Variants in EBF1 observed in about 807,000 individuals in gnomAD.
The protein encoded by EBF1 is transcription factor COE1.
EBF1 carries 10 observed loss-of-function variants against 68.4 expected under a neutral mutation model. The observed-to-expected ratio is 0.15, with a 90% CI of 0.09 to 0.25. EBF1 has a LOEUF of 0.25. Ranked by LOEUF, EBF1 falls within the 10% of genes least tolerant of loss-of-function variation. The pLI is 1.00. For synonymous variants in EBF1, 298 were observed against 299.8 expected, an observed-to-expected ratio of 0.99 and a Z score of 0.06; for missense variants, 509 against 794.4, an observed-to-expected ratio of 0.64 and a Z score of 4.32.
chr5:158,982,302 G>A (rs1758058619), intron 6 of EBF1, among the ~76,000 whole-genome samples: 1 of 152,102 alleles, frequency 6.6e-6, no homozygotes, highest in African/African-American at 2.4e-5. Context: ...AGTATTATTT[G>A]CACAGTAAGG....
chr5:159,001,845 G>A (rs1762602801), intron 6 of EBF1, among the ~76,000 whole-genome samples: 1 of 152,168 alleles, frequency 6.6e-6, no homozygotes, highest in Admixed American at 6.6e-5. Flanking sequence ...CTGTTCCTCA[G>A]GAGAGTGGGA....
chr5:159,074,526 G>A (rs573739463), intron 5 of EBF1, among the ~76,000 whole-genome samples: 14 of 152,226 alleles, frequency 9.2e-5, no homozygotes, highest in South Asian at 4.1e-4. Flanking sequence ...ACACATACGC[G>A]CACACTTACA....
At chr5:158,878,644 C>CA (rs1554176172) in intron 6 of EBF1, among the ~76,000 whole-genome samples, 3 of 140,580 alleles carry the variant, frequency 2.1e-5, no homozygotes, top group African/African-American at 7.9e-5. Flanking sequence ...TCTAGCCAGC[C>CA]TTTTTTTTTT....
intron 6 of EBF1, among the ~76,000 whole-genome samples, chr5:159,030,947 C>T (rs952139723): frequency 5.9e-5 from 9 of 151,986 alleles, no homozygotes; most frequent in Non-Finnish European, 1.0e-4. Flanking sequence ...TCGAGGCAGG[C>T]GGATTACCTG....
intron 6 of EBF1, chr5:158,941,123 A>C: frequency 2.2e-6 from 1 of 450,692 alleles, no homozygotes; most frequent in South Asian, 1.6e-5. Flanking sequence ...TGGACAGAAA[A>C]AAGATGAACA....
At chr5:159,076,734 G>A (rs907093139) in intron 5 of EBF1, among the ~76,000 whole-genome samples, 14 of 152,052 alleles carry the variant, frequency 9.2e-5, no homozygotes, top group African/African-American at 1.7e-4. Context: ...GAGCTACTCC[G>A]GCTTCTGTTC....
chr5:158,972,358 G>A (rs554856533), intron 6 of EBF1, among the ~76,000 whole-genome samples: 5 of 152,170 alleles, frequency 3.3e-5, no homozygotes, highest in Admixed American at 6.5e-5. Context: ...AGATGGTTTC[G>A]TGGAAACTGA....
chr5:158,785,416 T>C (rs1037922218), intron 9 of EBF1, among the ~76,000 whole-genome samples: 1 of 152,202 alleles, frequency 6.6e-6, no homozygotes. Flanking sequence ...TTCCCTGAAG[T>C]GGCTACCACA....
intron 4 of EBF1, among the ~76,000 whole-genome samples, chr5:159,094,733 T>C (rs1207639387): frequency 6.6e-6 from 1 of 152,224 alleles, no homozygotes; most frequent in Non-Finnish European, 1.5e-5. Flanking sequence ...TTCTTTGTTC[T>C]AATTTCTTTC....
At position 158,959,872 on chromosome 5, in the gene EBF1, A is replaced by C. The variant is rs1036912035; in HGVS notation, c.554+113524T>G. On this transcript the variant is annotated intron_variant, in intron 6 of 15. Transcript: ENST00000313708. ...TTAAAACACATTATACAGCCATAGC[A>C]ATTAAAATCATGCAGTAAGAGAATC... Among the ~76,000 whole-genome samples, 8 of 152,338 alleles carry C rather than the reference A, an allele frequency of 5.3e-5. No individual in the cohort carries two copies. In the South Asian group the frequency reaches 1.0e-3, roughly 20 times the overall value.
rs771015482 is a variant in EBF1, at chr5:158,956,462, GAC to G, written c.555-116354_555-116353del. The stretch of plus-strand genomic sequence containing the variant: ...GTACCTTAGAATGCACGCACACATA[GAC>G]ACACACACACACACGCACACACACA... On this transcript the variant is annotated intron_variant, in intron 6 of 15. Transcript: ENST00000313708. Among the ~76,000 whole-genome samples, 672 of 150,284 alleles carry G rather than the reference GAC, an allele frequency of 4.5e-3. 6 individuals are homozygous for G. The highest frequency in any genetic ancestry group is 0.014 in the African/African-American group (575 of 40,928).
chr5:158,707,496 C>T (rs933465297), intron 15 of EBF1: 16 of 228,798 alleles, frequency 7.0e-5, no homozygotes, highest in African/African-American at 3.6e-4. Context: ...ATGGCTCACC[C>T]CCTCCCTGTT....
chr5:158,798,758 A>G (rs1348715489), intron 8 of EBF1, among the ~76,000 whole-genome samples: 1 of 152,204 alleles, frequency 6.6e-6, no homozygotes, highest in Non-Finnish European at 1.5e-5. Flanking sequence ...AAGAAAGAGC[A>G]TCAAGCTTCC....
intron 6 of EBF1, among the ~76,000 whole-genome samples, chr5:158,868,059 C>T (rs181515813): frequency 5.3e-5 from 8 of 152,148 alleles, no homozygotes; most frequent in East Asian, 1.9e-4. Context: ...ACAAGGATTT[C>T]GCTCAAATAT....
rs150601920 is a variant in EBF1, at chr5:159,031,774, G to A, written c.554+41622C>T. Among the ~76,000 whole-genome samples, 163 of 152,244 alleles carry A rather than the reference G, an allele frequency of 1.1e-3. 1 individual carries two copies. The highest frequency in any genetic ancestry group is 3.8e-3 in the African/African-American group (157 of 41,548). On this transcript the variant is annotated intron_variant, in intron 6 of 15. Transcript: ENST00000313708. ...CACAACACAGCAGGGCTCTCGCTGC[G>A]CTGCTGGCAGAAGTCTCTGTTTCCC...
intron 6 of EBF1, among the ~76,000 whole-genome samples, chr5:158,932,687 A>T (rs1270996067): frequency 6.6e-6 from 1 of 152,216 alleles, no homozygotes. Flanking sequence ...CCAAACACAC[A>T]TACTTCCTCT....
At chr5:159,098,886 A>C (rs1007423830) in intron 1 of EBF1, among the ~76,000 whole-genome samples, 1 of 149,840 alleles carries the variant, frequency 6.7e-6, no homozygotes, top group African/African-American at 2.5e-5. Flanking sequence ...GGAAAGAAAA[A>C]AAGAAAGAAA....
chr5:158,873,025 T>TTTTTA (rs1491025677), intron 6 of EBF1, among the ~76,000 whole-genome samples: 1 of 139,908 alleles, frequency 7.1e-6, no homozygotes, highest in South Asian at 2.3e-4. Flanking sequence ...TTTTTTTTTT[T>TTTTTA]ACTGCTAATC....
chr5:159,074,811 C>A (rs113845457), intron 5 of EBF1, among the ~76,000 whole-genome samples: 6 of 152,164 alleles, frequency 3.9e-5, no homozygotes, highest in Non-Finnish European at 8.8e-5. Flanking sequence ...ACCTTATAGC[C>A]TTTCACCTTC....
Sources: gnomAD v4.1 joint callset for allele counts (sites outside exome capture counted in the v4.1 genomes callset) on GRCh38, gnomAD v4.1.1 for gene constraint, MANE v1.5 for transcripts, NCBI Gene and HGNC (gene_info 2026-07-23, HGNC 2026-07-21) for gene names.